The following CD163L1 variants were observed in gnomAD, a reference collection of about 807,000 sequenced individuals.
CD163L1 encodes CD163 molecule like 1, also known as scavenger receptor cysteine-rich type 1 protein M160.
Under a neutral mutation model 165.4 loss-of-function variants are expected in CD163L1, and 124 were observed. The ratio of observed to expected loss-of-function variants is 0.75; its 90% CI spans 0.65 to 0.87. CD163L1 has a LOEUF of 0.87. Ranked by LOEUF, CD163L1 falls within the 40% of genes least tolerant of loss-of-function variation. The pLI is 0.00. For synonymous variants in CD163L1, 585 were observed against 662.2 expected, an observed-to-expected ratio of 0.88 and a Z score of 1.79; for missense variants, 1,525 against 1,799.9, an observed-to-expected ratio of 0.85 and a Z score of 2.76.
the CD163L1 span, among the ~76,000 whole-genome samples, chr12:7,338,438 G>A: frequency 6.6e-6 from 1 of 152,174 alleles, no homozygotes; most frequent in Non-Finnish European, 1.5e-5. Context: ...GACAGGGAAT[G>A]CCAGGAATTT....
chr12:7,328,434 C>T, the CD163L1 span: 41 of 1,263,638 alleles, frequency 3.2e-5, no homozygotes, highest in Non-Finnish European at 3.7e-5. Context: ...GTATTTGTTC[C>T]GATAATTCAG....
intron 14 of CD163L1, 65 bp downstream of exon 14, chr12:7,373,255 G>T: frequency 7.2e-7 from 1 of 1,380,634 alleles, no homozygotes; most frequent in Non-Finnish European, 9.9e-7. Context: ...GGAAAGATTT[G>T]CTATTTATGG....
At chr12:7,438,749 G>T (rs1203566260) in intron 2 of CD163L1, 5 of 1,257,954 alleles carry the variant, frequency 4.0e-6, no homozygotes, top group Non-Finnish European at 4.4e-6. Flanking sequence ...ACTCAACACG[G>T]GTTTTCTGCT....
At position 7,379,032 on chromosome 12, in the gene CD163L1, C is replaced by A. The variant is rs1190134685; in HGVS notation, c.2317G>T (p.Glu773Ter). Residue 773 changes from glutamate to a stop codon, truncating the protein, a stop_gained, in exon 9 of 20, where the codon GAG (glutamate) becomes TAG (stop). Transcript: ENST00000313599. LOFTEE classifies it high-confidence loss of function. ...EASLWDCIRW[E>*]WKQTACHLNM... ...AAATGACACGCAGTCTGTTTCCACT[C>A]CCATCGTATACAATCCCAGAGAGAG... The A allele has an allele frequency of 6.2e-7, 1 of 1,613,790 alleles. No homozygotes were observed. The highest frequency in any genetic ancestry group is 8.5e-7 in the Non-Finnish European group (1 of 1,179,810).
chr12:7,372,179 G>T lies in CD163L1; in HGVS notation c.3730+1141C>A, dbSNP rs1947159555. Among the ~76,000 whole-genome samples the T allele has an allele frequency of 6.6e-6, 1 of 152,006 alleles. No homozygotes were observed. Among genetic ancestry groups the T allele is most frequent in the African/African-American group, 2.4e-5 (1 of 41,412 alleles). On this transcript the variant is annotated intron_variant, in intron 14 of 19. Transcript: ENST00000313599. This position sits in a 1 kb window ranked among gnomAD's most constrained non-coding sequence, Gnocchi z 4.2. Reference sequence around the variant, plus strand: ...TTAGGTGAAATTTTAATTTGGGAAGGTATGTGTATGTCTGTGTATATGTTT... The same window carrying T: ...TTAGGTGAAATTTTAATTTGGGAAGTTATGTGTATGTCTGTGTATATGTTT...
rs780557136 is a variant in CD163L1, at chr12:7,366,082, A to G, written c.4279+1154T>C. On this transcript the variant is annotated intron_variant, in intron 18 of 19. Coordinates refer to ENST00000313599, the MANE Select transcript of CD163L1 (RefSeq NM_174941.6). Reference sequence around the variant, plus strand: ...CACATTTTTAGCCATAAAAAATGAAATCATGTTATATGTAGTAACATGGTG... The same window carrying G: ...CACATTTTTAGCCATAAAAAATGAAGTCATGTTATATGTAGTAACATGGTG... Among the ~76,000 whole-genome samples, 24 of 152,254 alleles carry G rather than the reference A, an allele frequency of 1.6e-4. No homozygotes were observed. The South Asian group carries it at 5.0e-3, about 32-fold the overall frequency.
chr12:7,322,137 T>C, the CD163L1 span, among the ~76,000 whole-genome samples: 2 of 152,194 alleles, frequency 1.3e-5, no homozygotes, highest in African/African-American at 2.4e-5. Context: ...GTATCATTAA[T>C]AGCATCTTCT....
chr12:7,377,717 C>T (rs1947299743), intron 9 of CD163L1, among the ~76,000 whole-genome samples: 1 of 152,128 alleles, frequency 6.6e-6, no homozygotes. Context: ...TTGATGTCCC[C>T]ATCTTTTTGA....
At chr12:7,361,657 T>A (rs1374609657) in intron 18 of CD163L1, among the ~76,000 whole-genome samples, 1 of 152,150 alleles carries the variant, frequency 6.6e-6, no homozygotes, top group Non-Finnish European at 1.5e-5. Flanking sequence ...AAAGATGGGC[T>A]TTTTTAGGAG....
chr12:7,353,971 G>A (rs1946729067), downstream of CD163L1, among the ~76,000 whole-genome samples: 1 of 151,938 alleles, frequency 6.6e-6, no homozygotes, highest in Non-Finnish European at 1.5e-5. Context: ...ATATTGCAAA[G>A]AGAGGCCCCA....
intron 4 of CD163L1, among the ~76,000 whole-genome samples, chr12:7,410,760 G>T (rs754598652): frequency 2.4e-3 from 372 of 151,854 alleles, no homozygotes; most frequent in African/African-American, 8.6e-3. Context: ...AACCCAGGAG[G>T]CAGAGGTTGC....
At chr12:7,440,110 C>A (rs1948802494) in intron 2 of CD163L1, 1 of 776,334 alleles carries the variant, frequency 1.3e-6, no homozygotes, top group Non-Finnish European at 2.1e-6. Flanking sequence ...CAATGGCGGG[C>A]TTGGACCCGC....
chr12:7,415,211 T>C (rs1948212894), intron 4 of CD163L1, among the ~76,000 whole-genome samples: 2 of 152,186 alleles, frequency 1.3e-5, no homozygotes, highest in Non-Finnish European at 2.9e-5. Context: ...ATATAACAGA[T>C]CTGCATTTCA....
chr12:7,422,323 G>A (rs759043483), intron 4 of CD163L1, among the ~76,000 whole-genome samples: 2 of 152,076 alleles, frequency 1.3e-5, no homozygotes, highest in African/African-American at 4.8e-5. Flanking sequence ...ATAAACCCAC[G>A]AAGATGAGGA....
chr12:7,434,730 G>C (rs1948692606), intron 2 of CD163L1, among the ~76,000 whole-genome samples: 2 of 152,094 alleles, frequency 1.3e-5, no homozygotes, highest in South Asian at 2.1e-4. Flanking sequence ...GACAGAGACA[G>C]AGAGAGAAAC....
Position 7,374,971 on chromosome 12 carries a change from G to A in CD163L1, c.3002-48C>T. ...GGGCAAAAGTAAGACCAAAATACAT[G>A]GAAAAGGTTGAAGAGTTCTGTAACA... is the stretch of plus-strand genomic sequence containing the variant. On this transcript the variant is annotated intron_variant, in intron 11 of 19. Coordinates refer to ENST00000313599, the MANE Select transcript of CD163L1 (RefSeq NM_174941.6). The surrounding 1 kb of genome is among the most constrained non-coding windows in gnomAD (Gnocchi z 5.4). The A allele has an allele frequency of 6.5e-7, 1 of 1,530,420 alleles. No homozygotes were observed. The highest frequency in any genetic ancestry group is 9.1e-7 in the Non-Finnish European group (1 of 1,104,090). 94.8% of individuals were successfully genotyped at this position (1,530,420 alleles called of 1,614,324 possible).
In CD163L1 at chr12:7,368,330, GT is replaced by G; in HGVS notation, c.4073-134del. On this transcript the variant is annotated intron_variant, in intron 16 of 19. Transcript: ENST00000313599. This position sits in a 1 kb window ranked among gnomAD's most constrained non-coding sequence, Gnocchi z 4.3. ...ATACATTTCAACATATTCATGAACA[GT>G]ACGTAATCTTTGAGAGCTATTTTAG... 1 of 511,642 alleles carries G rather than the reference GT, an allele frequency of 2.0e-6. No individual in the cohort carries two copies. Among genetic ancestry groups the G allele is most frequent in the East Asian group, 3.1e-5 (1 of 32,094 alleles). 31.7% of individuals were successfully genotyped at this position (511,642 alleles called of 1,614,324 possible).
At chr12:7,378,725 C>T (rs1836625540) in intron 9 of CD163L1, among the ~76,000 whole-genome samples, 1 of 152,188 alleles carries the variant, frequency 6.6e-6, no homozygotes, top group South Asian at 2.1e-4. Flanking sequence ...TCCGACTCTG[C>T]AAATAGGTAA....
intron 4 of CD163L1, among the ~76,000 whole-genome samples, chr12:7,423,979 A>G (rs1290209014): frequency 6.6e-6 from 1 of 152,204 alleles, no homozygotes; most frequent in Non-Finnish European, 1.5e-5. Context: ...ACTCAATTTT[A>G]TGAGGCCAGC....
Sources: allele counts gnomAD v4.1 joint callset (sites outside exome capture counted in the v4.1 genomes callset), GRCh38; gene constraint gnomAD v4.1.1; non-coding constraint Gnocchi (gnomAD v3.1); transcripts MANE v1.5; gene names NCBI Gene and HGNC (gene_info 2026-07-23, HGNC 2026-07-21).